The following P3H2 variants were observed in gnomAD, a reference collection of about 807,000 sequenced individuals.
P3H2 encodes leprecan-like 1.
In P3H2, 80 loss-of-function variants were observed where a neutral mutation model predicts 87.0. That is an observed-to-expected ratio of 0.92 (90% confidence interval 0.77 to 1.11). The LOEUF (loss-of-function observed/expected upper bound fraction) is 1.11, where lower values mean the gene tolerates loss of function less well. Among genes scored for constraint, P3H2 ranks in the 50% least tolerant of loss-of-function variants. The probability of loss-of-function intolerance (pLI) is 0.00; values close to 1 mark genes in which losing one functional copy is unlikely to be tolerated. For synonymous variants in P3H2, 367 were observed against 359.3 expected (o/e 1.02, Z -0.24); for missense variants, 1,001 against 923.9 (o/e 1.08, Z -1.08).
Position 190,072,016 on chromosome 3 carries a change from T to G in P3H2, c.480+48236A>C, listed in dbSNP as rs148039884. ...TTTTTTTTGAGGCAGAGTTTCGCTC[T>G]TGTTGCCCCGGCTGGAGTGCAGTGG... is the stretch of plus-strand genomic sequence containing the variant. On this transcript the variant is annotated intron_variant, in intron 1 of 14. Transcript: ENST00000319332. Among the ~76,000 whole-genome samples the G allele has an allele frequency of 1.1e-4, 16 of 148,272 alleles. No individual in the cohort carries two copies. In the East Asian group the frequency reaches 3.0e-3, roughly 28 times the overall value.
At chr3:190,089,078 C>G (rs1026375951) in intron 1 of P3H2, among the ~76,000 whole-genome samples, 3 of 152,130 alleles carry the variant, frequency 2.0e-5, no homozygotes, top group Non-Finnish European at 2.9e-5. Context: ...ATTCTCTAGC[C>G]CTTTATCTTA....
intron 14 of P3H2, 80 bp downstream of exon 14, chr3:189,963,878 G>C (rs908679829): frequency 5.5e-6 from 8 of 1,450,436 alleles, no homozygotes; most frequent in African/African-American, 2.8e-5. Flanking sequence ...TTCCTCAGAC[G>C]AAGCAATTTA....
At chr3:190,044,657 T>C (rs1323838322) in intron 1 of P3H2, among the ~76,000 whole-genome samples, 2 of 152,162 alleles carry the variant, frequency 1.3e-5, no homozygotes, top group East Asian at 1.9e-4. Context: ...AATAACAATA[T>C]ATGTAGCCAG....
chr3:190,085,181 G>A lies in P3H2; in HGVS notation c.480+35071C>T, dbSNP rs191310529. ...GAAAAATCATGACTTTTGCTTGGGG[G>A]CATAATAAATCAGAGAAAGAAGAAG... On this transcript the variant is annotated intron_variant, in intron 1 of 14. Transcript: ENST00000319332. 2.0e-5 allele frequency among the ~76,000 whole-genome samples: 3 copies of A among 152,128 alleles called. No homozygotes were observed. The East Asian group carries it at 5.8e-4, about 29-fold the overall frequency.
At chr3:189,973,600 C>T (rs137870090) in intron 10 of P3H2, among the ~76,000 whole-genome samples, 2,183 of 148,798 alleles carry the variant, frequency 0.015, 55 homozygotes, top group African/African-American at 0.051. Context: ...CTCGGCTCAC[C>T]GCAACCTCTG....
chr3:190,086,198 C>T (rs1447441605), intron 1 of P3H2, among the ~76,000 whole-genome samples: 1 of 151,998 alleles, frequency 6.6e-6, no homozygotes, highest in Non-Finnish European at 1.5e-5. Flanking sequence ...TTTTTTTATT[C>T]CCCAAAGCCA....
Position 189,971,996 on chromosome 3 carries a change from T to C in P3H2, c.1711A>G (p.Arg571Gly), listed in dbSNP as rs776013018. 28 of 1,608,766 alleles carry C rather than the reference T, an allele frequency of 1.7e-5. No individual in the cohort carries two copies. The Middle Eastern group carries it at 4.9e-4, about 28-fold the overall frequency. ...CRTALSGQQD[R>G]RNDLSHPIHA... The stretch of plus-strand genomic sequence containing the variant: ...ATGGGATGACTGAGGTCATTTCTTC[T>C]ATCCTGCTGACCTGCCAGAAAAGGG... The change falls in exon 12 of 15, where the codon AGA (arginine) becomes GGA (glycine). Residue 571 changes from arginine (R) to glycine (G), a missense_variant. By Grantham distance (125) the Arg-to-Gly change is moderately radical (BLOSUM62 -2). Coordinates refer to ENST00000319332, the MANE Select transcript of P3H2 (RefSeq NM_018192.4).
chr3:190,042,961 T>C (rs1482974148), intron 1 of P3H2, among the ~76,000 whole-genome samples: 1 of 152,232 alleles, frequency 6.6e-6, no homozygotes, highest in Non-Finnish European at 1.5e-5. Flanking sequence ...ATTTGAAATG[T>C]AATCACTAGA....
chr3:190,100,246 C>T (rs1436690647), intron 1 of P3H2, among the ~76,000 whole-genome samples: 3 of 85,388 alleles, frequency 3.5e-5, no homozygotes, highest in African/African-American at 1.4e-4. Context: ...CCGCCCCCCC[C>T]GCCGCCCCCC....
intron 1 of P3H2, among the ~76,000 whole-genome samples, chr3:190,048,593 AACC>A (rs1725879011): frequency 1.3e-5 from 2 of 152,226 alleles, no homozygotes. Flanking sequence ...TGACATTAAT[AACC>A]AAGTATATTA....
At chr3:189,967,823 T>C (rs188767650) in intron 13 of P3H2, among the ~76,000 whole-genome samples, 187 of 152,334 alleles carry the variant, frequency 1.2e-3, no homozygotes, top group African/African-American at 4.4e-3. Flanking sequence ...AGAATCCTCA[T>C]AGGAATCACC....
At chr3:189,989,318 A>G (rs1723806804) in intron 3 of P3H2, among the ~76,000 whole-genome samples, 1 of 152,022 alleles carries the variant, frequency 6.6e-6, no homozygotes, top group African/African-American at 2.4e-5. Flanking sequence ...TACACTTTTT[A>G]TACCCCACAG....
chr3:189,978,369 G>A (rs116102933), intron 8 of P3H2, among the ~76,000 whole-genome samples: 1,755 of 152,216 alleles, frequency 0.012, 25 homozygotes, highest in African/African-American at 0.032. Flanking sequence ...TATCGTTATT[G>A]TTGAATTAAT....
chr3:190,039,086 G>A (rs1358131080), intron 1 of P3H2, among the ~76,000 whole-genome samples: 2 of 152,150 alleles, frequency 1.3e-5, no homozygotes, highest in Non-Finnish European at 2.9e-5. Flanking sequence ...CTACTTGGGA[G>A]GTTGAGGCAG....
intron 8 of P3H2, among the ~76,000 whole-genome samples, chr3:189,978,068 A>G (rs1007730131): frequency 7.2e-5 from 11 of 152,246 alleles, no homozygotes; most frequent in Admixed American, 6.5e-4. Flanking sequence ...ATTCCAATTT[A>G]GAAGTATAAA....
chr3:189,985,193 A>G (rs1224347340), intron 6 of P3H2, among the ~76,000 whole-genome samples: 3 of 152,018 alleles, frequency 2.0e-5, no homozygotes, highest in African/African-American at 7.2e-5. Flanking sequence ...AAATAATTTT[A>G]TAAATGTATT....
chr3:189,966,326 CATCTT>C (rs1335281165), intron 13 of P3H2, among the ~76,000 whole-genome samples: 4 of 152,168 alleles, frequency 2.6e-5, no homozygotes, highest in African/African-American at 7.2e-5. Flanking sequence ...GTCTTGGTAA[CATCTT>C]ATAAGACTAA....
chr3:189,962,159 TTC>T (rs1722835214), intron 14 of P3H2, among the ~76,000 whole-genome samples: 1 of 95,032 alleles, frequency 1.1e-5, no homozygotes, highest in African/African-American at 3.4e-5. Flanking sequence ...TTTCTTCTTC[TTC>T]TTTTTTTTTT....
In P3H2 at chr3:190,002,956, C is replaced by A. The variant is rs149049981; in HGVS notation, c.481-7514G>T. Among the ~76,000 whole-genome samples, 225 of 152,286 alleles carry A rather than the reference C, an allele frequency of 1.5e-3. 1 individual carries two copies. Among genetic ancestry groups the A allele is most frequent in the African/African-American group, 5.1e-3 (210 of 41,538 alleles). On this transcript the variant is annotated intron_variant, in intron 1 of 14. Transcript: ENST00000319332. The stretch of plus-strand genomic sequence containing the variant: ...GCTTTGAAGAACACATGTTAATTCA[C>A]AAGTTAGGTGGCCATGCTAATGTAG...
Sources: gnomAD v4.1 joint callset for allele counts (sites outside exome capture counted in the v4.1 genomes callset) on GRCh38, gnomAD v4.1.1 for gene constraint, MANE v1.5 for transcripts, NCBI Gene and HGNC (gene_info 2026-07-23, HGNC 2026-07-21) for gene names.